The following KMT2B variants were observed in gnomAD, a reference collection of about 807,000 sequenced individuals.
KMT2B encodes lysine methyltransferase 2B, also known as histone-lysine N-methyltransferase 2B.
Under a neutral mutation model 255.3 loss-of-function variants are expected in KMT2B, and 22 were observed. That is an observed-to-expected ratio of 0.09 (90% CI 0.06 to 0.12). KMT2B has a LOEUF of 0.12. KMT2B is among the 10% of genes least tolerant of loss of function. The pLI is 1.00. For synonymous variants in KMT2B, 1,730 were observed against 1,498.1 expected, an observed-to-expected ratio of 1.15 and a Z score of -3.57; for missense variants, 3,149 against 3,737.0, an observed-to-expected ratio of 0.84 and a Z score of 4.10.
intron 3 of KMT2B, 36 bp downstream of exon 3, chr19:35,721,840 C>A (rs1362600016): frequency 1.3e-6 from 2 of 1,516,824 alleles, no homozygotes; most frequent in Non-Finnish European, 1.8e-6. Flanking sequence ...GCACACCCAG[C>A]CATCCAGCCT....
chr19:35,738,032 C>A lies in KMT2B; in HGVS notation c.7743-30C>A, dbSNP rs199769029. 43 of 1,613,600 alleles carry A rather than the reference C, an allele frequency of 2.7e-5. No individual in the cohort carries two copies. Among genetic ancestry groups the A allele is most frequent in the South Asian group, 4.4e-5 (4 of 91,054 alleles). On this transcript the variant is annotated intron_variant, in intron 35 of 36. Transcript: ENST00000420124. This position sits in a 1 kb window ranked among gnomAD's most constrained non-coding sequence, Gnocchi z 8.7. Reference sequence around the variant, plus strand: ...CTGTCTGGTTTCTGTCCCCCTCCCCCCTGAGTTCCCTGTTCATCCTGCCCT... The same window carrying A: ...CTGTCTGGTTTCTGTCCCCCTCCCCACTGAGTTCCCTGTTCATCCTGCCCT...
At position 35,738,248 on chromosome 19, in the gene KMT2B, CAG is replaced by C. The variant is rs1430841594; in HGVS notation, c.7873-31_7873-30del. The C allele has an allele frequency of 6.3e-7, 1 of 1,592,960 alleles. No individual in the cohort carries two copies. The highest frequency in any genetic ancestry group is 1.3e-5 in the African/African-American group (1 of 74,720). ...GGTGAAGCGAGCCTGTCCGCGGGGA[CAG>C]AGCACCTGATCTCCCCACCTCATCC... On this transcript the variant is annotated intron_variant, in intron 36 of 36. Transcript: ENST00000420124. This position sits in a 1 kb window ranked among gnomAD's most constrained non-coding sequence, Gnocchi z 8.7.
chr19:35,737,373 G>A lies in KMT2B; in HGVS notation c.7550+110G>A, dbSNP rs75291651. On this transcript the variant is annotated intron_variant, in intron 33 of 36. Coordinates refer to ENST00000420124, the MANE Select transcript of KMT2B (RefSeq NM_014727.3). This position sits in a 1 kb window ranked among gnomAD's most constrained non-coding sequence, Gnocchi z 5.3. Reference sequence around the variant, plus strand: ...CTGAGGCCTGGGGAGGAGACACTAGGTCACTTGAAGAGTTATTTCTAGAGT... The same window carrying A: ...CTGAGGCCTGGGGAGGAGACACTAGATCACTTGAAGAGTTATTTCTAGAGT... 901 of 1,156,204 alleles carry A rather than the reference G, an allele frequency of 7.8e-4. No individual in the cohort carries two copies. In the Middle Eastern group the frequency reaches 9.4e-3, roughly 12 times the overall value. The allele number at this position is 1,156,204 out of a possible 1,614,324, so 71.6% of individuals were successfully genotyped here. A position where few individuals can be genotyped will look rare whatever the true frequency, so the allele number is the denominator to read the frequency against.
Position 35,720,302 on chromosome 19 carries a change from T to C in KMT2B, c.955T>C (p.Leu319=), listed in dbSNP as rs1418078771. The change falls in exon 3 of 37, where the codon TTG becomes CTG. Residue 319 remains leucine, a synonymous_variant. Coordinates refer to ENST00000420124, the MANE Select transcript of KMT2B (RefSeq NM_014727.3). The stretch of plus-strand genomic sequence containing the variant: ...GGCCAAAAAAGTAAAGATGGGACAA[T>C]TGTCCTTGGGACTCGAATCAGGTCA... The part of the protein sequence containing the change: ...SRAKKVKMGQ[L]SLGLESGQGQ... 3 of 1,613,148 alleles carry C rather than the reference T, an allele frequency of 1.9e-6. No individual in the cohort carries two copies. The highest frequency in any genetic ancestry group is 2.7e-5 in the African/African-American group (2 of 74,872).
chr19:35,724,103 G>A lies in KMT2B; in HGVS notation c.3334+96G>A, dbSNP rs545355955. On this transcript the variant is annotated intron_variant, in intron 8 of 36. Transcript: ENST00000420124. Reference sequence around the variant, plus strand: ...GGCACCCAGACCCAGGGCTCTGTCAGTCTGATAGAGAAGGTGGCTGAGGGC... The same window carrying A: ...GGCACCCAGACCCAGGGCTCTGTCAATCTGATAGAGAAGGTGGCTGAGGGC... 6.3e-5 allele frequency: 78 copies of A among 1,237,858 alleles called. No homozygotes were observed. In the African/African-American group the frequency reaches 1.1e-3, roughly 17 times the overall value. The allele number at this position is 1,237,858 out of a possible 1,614,324, so 76.7% of individuals were successfully genotyped here.
intron 30 of KMT2B, among the ~76,000 whole-genome samples, chr19:35,734,423 A>C (rs1031254360): frequency 6.6e-6 from 1 of 152,170 alleles, no homozygotes; most frequent in African/African-American, 2.4e-5. Flanking sequence ...GAAGAAGGCA[A>C]AACAGCCCAA....
chr19:35,732,827 C>T lies in KMT2B; in HGVS notation c.6278C>T (p.Ala2093Val). 1 of 1,607,194 alleles carries T rather than the reference C, an allele frequency of 6.2e-7. No individual in the cohort carries two copies. Among genetic ancestry groups the T allele is most frequent in the Non-Finnish European group, 8.5e-7 (1 of 1,177,544 alleles). ...TPPSGPGVVR[A>V]GVLGAAGDRA... Reference sequence around the variant, plus strand: ...CCTTCGGGGCCAGGAGTAGTCCGGGCAGGGGTCCTTGGGGCTGCAGGGGAC... The same window carrying T: ...CCTTCGGGGCCAGGAGTAGTCCGGGTAGGGGTCCTTGGGGCTGCAGGGGAC... Residue 2093 changes from alanine to valine, a missense_variant, in exon 28 of 37, where the codon GCA becomes GTA. Physicochemically the swap from Ala to Val is moderately conservative, Grantham distance 64. Coordinates refer to ENST00000420124, the MANE Select transcript of KMT2B (RefSeq NM_014727.3).
Position 35,727,668 on chromosome 19 carries a change from C to CA in KMT2B, c.4303-30_4303-29insA. The CA allele has an allele frequency of 6.2e-7, 1 of 1,613,240 alleles. No individual in the cohort carries two copies. Among genetic ancestry groups the CA allele is most frequent in the South Asian group, 1.1e-5 (1 of 91,090 alleles). On this transcript the variant is annotated intron_variant, in intron 16 of 36. Coordinates refer to ENST00000420124, the MANE Select transcript of KMT2B (RefSeq NM_014727.3). This position sits in a 1 kb window ranked among gnomAD's most constrained non-coding sequence, Gnocchi z 4.2. The stretch of plus-strand genomic sequence containing the variant: ...AGGATGGGCCGGGGCTAGGCCCACC[C>CA]CCAGCCCTGCTAACTTCCCCGCTTT...
At chr19:35,736,415 C>T (rs895599985) in intron 30 of KMT2B, 13 of 461,922 alleles carry the variant, frequency 2.8e-5, no homozygotes, top group Non-Finnish European at 3.9e-5. Context: ...GAGCCATAGG[C>T]GTGTCCTGAA....
chr19:35,719,751 T>A, intron 2 of KMT2B, 33 bp from the exon 3 acceptor site: 1 of 1,551,354 alleles, frequency 6.4e-7, no homozygotes, highest in East Asian at 2.3e-5. Context: ...AGGGCTGGCT[T>A]GATCCATCTC....
chr19:35,733,657 TG>T lies in KMT2B; in HGVS notation c.7024del (p.Glu2342SerfsTer97). ...VRGVLDLDRPGEPAGEESPGP... is the reference protein window; with the variant it reads ...VRGVLDLDRPXEPAGEESPGP... ...GTGGGGTCCTTGACCTGGATCGGCC[TG>T]GGGAGCCCGCTGGGGAAGAAAGTCC... On this transcript the variant is annotated frameshift_variant, in exon 29 of 37. Transcript: ENST00000420124. LOFTEE classifies it high-confidence loss of function. This position sits in a 1 kb window ranked among gnomAD's most constrained non-coding sequence, Gnocchi z 4.3. The T allele has an allele frequency of 1.2e-6, 2 of 1,600,608 alleles. No homozygotes were observed. The highest frequency in any genetic ancestry group is 1.7e-6 in the Non-Finnish European group (2 of 1,173,972).
chr19:35,721,867 C>T (rs1969228048), intron 3 of KMT2B, 63 bp downstream of exon 3: 3 of 1,466,568 alleles, frequency 2.0e-6, no homozygotes, highest in Admixed American at 5.1e-5. Context: ...TTTGCAACCC[C>T]CTAACCTTCC....
At chr19:35,728,052 C>G in intron 18 of KMT2B, 46 bp from the exon 19 acceptor site, 1 of 1,563,996 alleles carries the variant, frequency 6.4e-7, no homozygotes, top group Non-Finnish European at 8.7e-7. Context: ...CCTGCCAGCT[C>G]TCCTGGGGAA....
In KMT2B at chr19:35,720,144, G is replaced by C. The variant is rs1253770539; in HGVS notation, c.797G>C (p.Trp266Ser). ...VVPVKHQTGS[W>S]KCKEGPGPGP... ...CCAGTGAAACATCAGACTGGCAGCT[G>C]GAAATGCAAGGAGGGGCCCGGTCCA... is the stretch of plus-strand genomic sequence containing the variant. The change falls in exon 3 of 37, where the codon TGG (tryptophan) becomes TCG (serine). Residue 266 changes from tryptophan to serine, a missense_variant. Trp to Ser is a radical substitution (Grantham distance 177). Transcript: ENST00000420124. 1 of 1,599,050 alleles carries C rather than the reference G, an allele frequency of 6.3e-7. No individual in the cohort carries two copies. Among genetic ancestry groups the C allele is most frequent in the Non-Finnish European group, 8.5e-7 (1 of 1,173,226 alleles).
chr19:35,730,719 G>C lies in KMT2B; in HGVS notation c.5289G>C (p.Leu1763=). 6.2e-7 allele frequency: 1 copy of C among 1,613,938 alleles called. No individual in the cohort carries two copies. The highest frequency in any genetic ancestry group is 1.3e-5 in the African/African-American group (1 of 75,062). ...LFPIGYQCSR[L]YWSTVDARRR... ...TCCCACATGCCAGGTGCTCCCGTCTGTACTGGAGCACAGTGGATGCTCGGA... is the reference window on the plus strand; with the variant it reads ...TCCCACATGCCAGGTGCTCCCGTCTCTACTGGAGCACAGTGGATGCTCGGA... Residue 1763 remains leucine (L), a synonymous_variant, in exon 26 of 37, where the codon CTG becomes CTC. Transcript: ENST00000420124.
intron 26 of KMT2B, 70 bp downstream of exon 26, chr19:35,730,937 C>G: frequency 6.8e-7 from 1 of 1,459,962 alleles, no homozygotes; most frequent in South Asian, 1.4e-5. Context: ...CTCTGTTCCC[C>G]GCTCCCTTTT....
In KMT2B at chr19:35,725,767, C is replaced by T. The variant is rs767959860; in HGVS notation, c.3834C>T (p.Ala1278=). 2 of 1,601,024 alleles carry T rather than the reference C, an allele frequency of 1.2e-6. No individual in the cohort carries two copies. The highest frequency in any genetic ancestry group is 2.2e-5 in the South Asian group (2 of 89,452). ...CERCRHAYHP[A]CLGPSYPTRA... is the part of the protein sequence containing the mutation. ...GCTGCCGCCATGCATACCACCCGGC[C>T]TGTCTGGGGCCCAGCTATCCAACCC... is the stretch of plus-strand genomic sequence containing the variant. Residue 1278 remains alanine (A), a synonymous_variant, in exon 13 of 37, where the codon GCC becomes GCT. Transcript: ENST00000420124. The surrounding 1 kb of genome is among the most constrained non-coding windows in gnomAD (Gnocchi z 4.1).
In KMT2B at chr19:35,733,267, C is replaced by T. The variant is rs1442182686; in HGVS notation, c.6718C>T (p.Leu2240Phe). 4.7e-6 allele frequency: 7 copies of T among 1,482,608 alleles called. No homozygotes were observed. The East Asian group carries it at 7.4e-5, about 16-fold the overall frequency. 91.8% of individuals were successfully genotyped at this position (1,482,608 alleles called of 1,614,324 possible). The stretch of plus-strand genomic sequence containing the variant: ...CTGGACTCTGCCCCCAGGCCCCCTC[C>T]TCGGCGTGCTGCCCGTGGTCGGAGT... ...TSWTLPPGPL[L>F]GVLPVVGVVR... The change falls in exon 28 of 37, where the codon CTC (leucine) becomes TTC (phenylalanine). Residue 2240 changes from leucine (L) to phenylalanine (F), a missense_variant. Physicochemically the swap from Leu to Phe is conservative, Grantham distance 22. Transcript: ENST00000420124. The surrounding 1 kb of genome is among the most constrained non-coding windows in gnomAD (Gnocchi z 4.3).
intron 22 of KMT2B, 58 bp from the exon 23 acceptor site, chr19:35,729,909 G>T (rs2146461415): frequency 1.3e-6 from 2 of 1,533,524 alleles, no homozygotes; most frequent in East Asian, 2.4e-5. Flanking sequence ...AGTGACAGTG[G>T]TGCCTGGCGC....
Sources: gnomAD v4.1 joint callset for allele counts (sites outside exome capture counted in the v4.1 genomes callset) on GRCh38, gnomAD v4.1.1 for gene constraint, Gnocchi (gnomAD v3.1) non-coding constraint, MANE v1.5 for transcripts, NCBI Gene and HGNC (gene_info 2026-07-23, HGNC 2026-07-21) for gene names.